Variants in CNTN4 observed in about 807,000 individuals in gnomAD.
The protein encoded by CNTN4 is contactin 4, also known as contactin-4.
Under a neutral mutation model 122.5 loss-of-function variants are expected in CNTN4, and 77 were observed. The observed-to-expected ratio is 0.63, with a 90% CI of 0.52 to 0.76. The LOEUF (loss-of-function observed/expected upper bound fraction) is 0.76, where lower values mean the gene tolerates loss of function less well. Among genes scored for constraint, CNTN4 ranks in the 30% least tolerant of loss-of-function variants. The pLI, the probability that CNTN4 is intolerant of heterozygous loss-of-function variation, is 0.00. For missense variants in CNTN4, 1,256 were observed against 1,259.1 expected, an observed-to-expected ratio of 1.00 and a Z score of 0.04; for synonymous variants, 512 against 447.0, an observed-to-expected ratio of 1.15 and a Z score of -1.83.
intron 4 of CNTN4, among the ~76,000 whole-genome samples, chr3:2,677,201 C>A (rs2675310): frequency 0.99 from 147,622 of 149,446 alleles, 72,915 homozygotes; most frequent in Non-Finnish European, 0.99. Context: ...ATATCTCTCT[C>A]TATATATGTA....
chr3:2,789,656 C>T (rs1359602295), intron 6 of CNTN4, among the ~76,000 whole-genome samples: 2 of 152,224 alleles, frequency 1.3e-5, no homozygotes, highest in East Asian at 3.8e-4. Flanking sequence ...GTCTGAAACT[C>T]CTGACTTCAA....
intron 8 of CNTN4, among the ~76,000 whole-genome samples, chr3:2,868,437 G>C (rs2150849348): frequency 6.6e-6 from 1 of 152,190 alleles, no homozygotes; most frequent in East Asian, 1.9e-4. Context: ...ACAAATGCAA[G>C]ACGGGAACTC....
At chr3:2,155,439 G>A (rs545408512) in intron 2 of CNTN4, among the ~76,000 whole-genome samples, 8 of 152,110 alleles carry the variant, frequency 5.3e-5, no homozygotes, top group Non-Finnish European at 1.2e-4. Context: ...AGCAGATTGG[G>A]GATAAGAACA....
At chr3:2,148,063 G>A (rs2035329088) in intron 2 of CNTN4, among the ~76,000 whole-genome samples, 1 of 152,084 alleles carries the variant, frequency 6.6e-6, no homozygotes, top group African/African-American at 2.4e-5. Flanking sequence ...GCATGATAGT[G>A]TGTCTCAAGT....
intron 3 of CNTN4, among the ~76,000 whole-genome samples, chr3:2,401,426 G>A (rs1344889052): frequency 1.3e-5 from 2 of 152,138 alleles, no homozygotes; most frequent in African/African-American, 4.8e-5. Flanking sequence ...TGTAGATAAT[G>A]TAGCTAGTGG....
intron 8 of CNTN4, among the ~76,000 whole-genome samples, chr3:2,880,052 A>G (rs2093889434): frequency 1.3e-5 from 2 of 152,146 alleles, no homozygotes; most frequent in Admixed American, 6.5e-5. Flanking sequence ...GGATTTTAGG[A>G]CGCGGAGATA....
At chr3:2,552,913 G>A (rs1276873500) in intron 3 of CNTN4, among the ~76,000 whole-genome samples, 3 of 152,160 alleles carry the variant, frequency 2.0e-5, no homozygotes, top group African/African-American at 7.2e-5. Context: ...AGTGTGTTGA[G>A]TAGGCACCCG....
chr3:2,130,893 A>G (rs955736419), intron 2 of CNTN4, among the ~76,000 whole-genome samples: 7 of 152,220 alleles, frequency 4.6e-5, no homozygotes, highest in African/African-American at 1.7e-4. Context: ...ATGGCCAAGC[A>G]TGTTGACATT....
chr3:2,762,583 G>A (rs113909213), intron 6 of CNTN4, among the ~76,000 whole-genome samples: 12 of 152,056 alleles, frequency 7.9e-5, no homozygotes, highest in Admixed American at 1.3e-4. Flanking sequence ...TCATTGATGC[G>A]CTTTTAGGTT....
intron 4 of CNTN4, among the ~76,000 whole-genome samples, chr3:2,684,192 C>T (rs1405828711): frequency 1.3e-5 from 2 of 152,072 alleles, no homozygotes; most frequent in African/African-American, 4.8e-5. Flanking sequence ...TCCATTAGCA[C>T]ACCATGTGAG....
At chr3:2,736,829 G>C (rs1028603982) in intron 5 of CNTN4, among the ~76,000 whole-genome samples, 5 of 151,442 alleles carry the variant, frequency 3.3e-5, no homozygotes, top group African/African-American at 4.9e-5. Flanking sequence ...GTCTCGCTCT[G>C]TCAGGAGTGC....
chr3:2,425,715 C>A (rs2047801075), intron 3 of CNTN4, among the ~76,000 whole-genome samples: 1 of 152,086 alleles, frequency 6.6e-6, no homozygotes, highest in African/African-American at 2.4e-5. Flanking sequence ...ATGGAATGTT[C>A]TTCCATTTCT....
At chr3:2,684,405 A>G (rs2085326705) in intron 4 of CNTN4, among the ~76,000 whole-genome samples, 5 of 152,122 alleles carry the variant, frequency 3.3e-5, no homozygotes, top group Admixed American at 2.6e-4. Flanking sequence ...AAAAAAAAGG[A>G]GAAATTATAC....
chr3:2,106,104 C>T (rs1159827692), intron 2 of CNTN4, among the ~76,000 whole-genome samples: 2 of 152,254 alleles, frequency 1.3e-5, no homozygotes, highest in Admixed American at 6.5e-5. Context: ...TGGGCTCCCA[C>T]TGTCTGGGGC....
At chr3:2,186,790 T>A (rs192879870) in intron 2 of CNTN4, among the ~76,000 whole-genome samples, 46 of 152,312 alleles carry the variant, frequency 3.0e-4, no homozygotes, top group Middle Eastern at 6.8e-3. Context: ...TTTTTTCTTA[T>A]AAGTTTGTTT....
At chr3:2,340,635 G>A (rs2044147017) in intron 3 of CNTN4, among the ~76,000 whole-genome samples, 1 of 145,166 alleles carries the variant, frequency 6.9e-6, no homozygotes. Flanking sequence ...AGTTGTTATT[G>A]CACCACTGCA....
intron 7 of CNTN4, among the ~76,000 whole-genome samples, chr3:2,827,735 T>C (rs1402512591): frequency 3.3e-5 from 5 of 152,210 alleles, no homozygotes; most frequent in Non-Finnish European, 5.9e-5. Context: ...TGATTCTTTA[T>C]ATTTGCATTT....
At chr3:2,358,622 C>A (rs1033661537) in intron 3 of CNTN4, among the ~76,000 whole-genome samples, 1 of 151,852 alleles carries the variant, frequency 6.6e-6, no homozygotes, top group African/African-American at 2.4e-5. Context: ...TTTCATATTC[C>A]CCACACCATT....
intron 21 of CNTN4, among the ~76,000 whole-genome samples, chr3:3,042,643 A>G (rs1700270685): frequency 6.6e-6 from 1 of 152,170 alleles, no homozygotes; most frequent in Admixed American, 6.5e-5. Flanking sequence ...TTATATGCAA[A>G]TCTAAGCATT....
Sources: gnomAD v4.1 joint callset for allele counts (sites outside exome capture counted in the v4.1 genomes callset) on GRCh38, gnomAD v4.1.1 for gene constraint, MANE v1.5 for transcripts, NCBI Gene and HGNC (gene_info 2026-07-23, HGNC 2026-07-21) for gene names.